CTNNA3: variants seen among roughly 807,000 people sequenced by gnomAD.
CTNNA3 encodes catenin alpha-3.
Under a neutral mutation model 95.7 loss-of-function variants are expected in CTNNA3, and 76 were observed. That is an observed-to-expected ratio of 0.79 (90% CI 0.66 to 0.96). CTNNA3 has a LOEUF of 0.96. Among genes scored for constraint, CTNNA3 ranks in the 40% least tolerant of loss-of-function variants. The pLI, the probability that CTNNA3 is intolerant of heterozygous loss-of-function variation, is 0.00. For missense variants in CTNNA3, 1,191 were observed against 1,089.8 expected, an observed-to-expected ratio of 1.09 and a Z score of -1.31; for synonymous variants, 431 against 374.4, an observed-to-expected ratio of 1.15 and a Z score of -1.74.
At chr10:66,182,240 G>C (rs2086077462) in intron 13 of CTNNA3, among the ~76,000 whole-genome samples, 1 of 150,724 alleles carries the variant, frequency 6.6e-6, no homozygotes, top group Non-Finnish European at 1.5e-5. Context: ...TCATACATTT[G>C]CTTGTGGATA....
intron 9 of CTNNA3, among the ~76,000 whole-genome samples, chr10:66,758,934 T>TCAAA (rs36040848): frequency 0.035 from 5,247 of 151,974 alleles, 218 homozygotes; most frequent in East Asian, 0.22. Context: ...GAGACTTGTC[T>TCAAA]CAAACAAACA....
rs1394448482 is a variant in CTNNA3, at chr10:67,577,006, A to G, written c.292+29851T>C. 1.7e-4 allele frequency among the ~76,000 whole-genome samples: 26 copies of G among 149,108 alleles called. No homozygotes were observed. The Middle Eastern group carries it at 0.01, about 59-fold the overall frequency. On this transcript the variant is annotated intron_variant, in intron 3 of 17. Coordinates refer to ENST00000433211, the MANE Select transcript of CTNNA3 (RefSeq NM_013266.4). ...CTTTGCTCTTGTGAAGAGTGCCACAATAAACATACGTGTGCATGTGTCTTT... is the reference window on the plus strand; with the variant it reads ...CTTTGCTCTTGTGAAGAGTGCCACAGTAAACATACGTGTGCATGTGTCTTT...
At chr10:66,753,813 A>G (rs2132738151) in intron 9 of CTNNA3, among the ~76,000 whole-genome samples, 1 of 152,158 alleles carries the variant, frequency 6.6e-6, no homozygotes, top group South Asian at 2.1e-4. Flanking sequence ...TGATAATAAA[A>G]TTTACTGAAT....
intron 6 of CTNNA3, among the ~76,000 whole-genome samples, chr10:67,192,143 A>G (rs924984859): frequency 6.6e-6 from 1 of 152,036 alleles, no homozygotes; most frequent in African/African-American, 2.4e-5. Context: ...AGAAGAAAAC[A>G]TAGGGTAAAA....
At chr10:66,328,911 C>T (rs376158794) in intron 12 of CTNNA3, among the ~76,000 whole-genome samples, 34 of 86,422 alleles carry the variant, frequency 3.9e-4, no homozygotes, top group Non-Finnish European at 6.0e-4. Flanking sequence ...CACATATATA[C>T]ATATATATAT....
chr10:66,926,801 GATGTT>G (rs925213390), intron 7 of CTNNA3: 40 of 978,534 alleles, frequency 4.1e-5, no homozygotes, highest in Non-Finnish European at 5.6e-5. Flanking sequence ...GATAATATGT[GATGTT>G]AAGTGTTATT....
chr10:65,993,041 T>A (rs761349992), intron 15 of CTNNA3, among the ~76,000 whole-genome samples: 8 of 152,224 alleles, frequency 5.3e-5, no homozygotes, highest in Non-Finnish European at 7.4e-5. Flanking sequence ...TACGTATTTG[T>A]ACAGCTTCCA....
chr10:66,488,945 A>G (rs1174704716), intron 11 of CTNNA3, among the ~76,000 whole-genome samples: 1 of 152,148 alleles, frequency 6.6e-6, no homozygotes, highest in Non-Finnish European at 1.5e-5. Context: ...AAGGGTAGAT[A>G]GGGAATAATG....
intron 5 of CTNNA3, among the ~76,000 whole-genome samples, chr10:67,264,546 A>G (rs1296608165): frequency 6.6e-6 from 1 of 152,190 alleles, no homozygotes; most frequent in Non-Finnish European, 1.5e-5. Context: ...CCAAAGCCTC[A>G]GCACATTTCC....
At chr10:67,760,300 ATT>A in intron 1 of CTNNA3, among the ~76,000 whole-genome samples, 2 of 151,964 alleles carry the variant, frequency 1.3e-5, no homozygotes, top group South Asian at 4.2e-4. Context: ...TACTGGAGGC[ATT>A]GTCTACTGCC....
At chr10:67,021,243 A>C (rs1852991437) in intron 7 of CTNNA3, among the ~76,000 whole-genome samples, 1 of 152,228 alleles carries the variant, frequency 6.6e-6, no homozygotes. Flanking sequence ...TTTGTCAATT[A>C]TTAAGCAAAG....
chr10:66,200,596 T>C (rs2087332720), intron 13 of CTNNA3, among the ~76,000 whole-genome samples: 1 of 152,302 alleles, frequency 6.6e-6, no homozygotes, highest in African/African-American at 2.4e-5. Flanking sequence ...TGGACTTCTC[T>C]TCAGAATTGC....
Position 65,988,684 on chromosome 10 carries a change from T to C in CTNNA3, c.2265+8A>G. The stretch of plus-strand genomic sequence containing the variant: ...AACTTTTATGATGTCCACTTGTAAG[T>C]AACTCACCTGATTAGCAATCTGCCG... On this transcript the variant is annotated splice_region_variant and intron_variant, in intron 16 of 17. Transcript: ENST00000433211. 1.9e-6 allele frequency: 3 copies of C among 1,608,272 alleles called. No homozygotes were observed. Among genetic ancestry groups the C allele is most frequent in the Non-Finnish European group, 1.7e-6 (2 of 1,174,912 alleles).
chr10:67,496,026 GAAT>G (rs1311083711), intron 5 of CTNNA3, among the ~76,000 whole-genome samples: 1 of 152,082 alleles, frequency 6.6e-6, no homozygotes, highest in African/African-American at 2.4e-5. Context: ...GTTATTATGT[GAAT>G]AATCATCACA....
intron 10 of CTNNA3, among the ~76,000 whole-genome samples, chr10:66,524,663 A>G (rs1057241333): frequency 1.3e-5 from 2 of 152,166 alleles, no homozygotes; most frequent in Non-Finnish European, 2.9e-5. Context: ...TCAGAACCAG[A>G]GGGGGCCAAT....
intron 9 of CTNNA3, among the ~76,000 whole-genome samples, chr10:66,666,904 T>C (rs771978143): frequency 3.9e-5 from 6 of 152,060 alleles, no homozygotes; most frequent in East Asian, 1.9e-4. Context: ...TCAAATTTCA[T>C]TGGGGAAGTG....
intron 7 of CTNNA3, among the ~76,000 whole-genome samples, chr10:66,924,112 C>G (rs1274992627): frequency 6.6e-6 from 1 of 152,148 alleles, no homozygotes; most frequent in Non-Finnish European, 1.5e-5. Context: ...TCTTCCATCC[C>G]CCTAGAATGA....
At chr10:67,205,636 A>T (rs1000602287) in intron 6 of CTNNA3, among the ~76,000 whole-genome samples, 45 of 152,202 alleles carry the variant, frequency 3.0e-4, no homozygotes, top group African/African-American at 1.1e-3. Context: ...AAACATTTAT[A>T]GAACAGGTAC....
intron 7 of CTNNA3, among the ~76,000 whole-genome samples, chr10:67,109,736 G>A (rs1589750166): frequency 1.3e-5 from 2 of 152,250 alleles, no homozygotes; most frequent in South Asian, 2.1e-4. Flanking sequence ...CCAGCTACTC[G>A]GGAGGCTGAG....
Sources: gnomAD v4.1 joint callset for allele counts (sites outside exome capture counted in the v4.1 genomes callset) on GRCh38, gnomAD v4.1.1 for gene constraint, MANE v1.5 for transcripts, NCBI Gene and HGNC (gene_info 2026-07-23, HGNC 2026-07-21) for gene names.